The following FHIT variants were observed in gnomAD, a reference collection of about 807,000 sequenced individuals.
The protein encoded by FHIT is fragile histidine triad diadenosine triphosphatase.
A neutral mutation model predicts 17.9 loss-of-function variants in FHIT; 19 were observed. That is an observed-to-expected ratio of 1.06 (90% CI 0.74 to 1.56). The LOEUF (loss-of-function observed/expected upper bound fraction) is 1.56. Among genes scored for constraint, FHIT ranks in the 40% most tolerant of loss-of-function variants. FHIT has a pLI of 0.00. For missense variants in FHIT, 248 were observed against 189.2 expected (o/e 1.31, Z -1.82); for synonymous variants, 81 against 69.7 (o/e 1.16, Z -0.81).
At chr3:60,319,270 C>T (rs1709309010) in intron 5 of FHIT, among the ~76,000 whole-genome samples, 1 of 152,002 alleles carries the variant, frequency 6.6e-6, no homozygotes, top group Non-Finnish European at 1.5e-5. Context: ...ACTCATCCAC[C>T]CACCCACTCA....
chr3:60,378,173 C>G (rs940126148), intron 5 of FHIT, among the ~76,000 whole-genome samples: 2 of 151,824 alleles, frequency 1.3e-5, no homozygotes, highest in African/African-American at 4.8e-5. Flanking sequence ...ACTACAGACG[C>G]CTGCCACTAT....
chr3:60,500,892 T>G (rs576192011), intron 5 of FHIT, among the ~76,000 whole-genome samples: 2 of 152,146 alleles, frequency 1.3e-5, no homozygotes, highest in Non-Finnish European at 2.9e-5. Context: ...AAGCCTTGAT[T>G]GGCTTCTTTT....
At chr3:59,954,793 G>A (rs1166890051) in intron 7 of FHIT, among the ~76,000 whole-genome samples, 9 of 152,166 alleles carry the variant, frequency 5.9e-5, no homozygotes, top group Non-Finnish European at 2.9e-5. Context: ...GGACCAGGGA[G>A]ATGGTTTATT....
intron 4 of FHIT, among the ~76,000 whole-genome samples, chr3:60,807,361 C>G (rs1429091413): frequency 6.6e-6 from 1 of 151,616 alleles, no homozygotes; most frequent in African/African-American, 2.4e-5. Context: ...TTGCTTGAAC[C>G]CAGGAGTTTG....
At chr3:60,624,908 T>G (rs1466543540) in intron 4 of FHIT, among the ~76,000 whole-genome samples, 1 of 151,236 alleles carries the variant, frequency 6.6e-6, no homozygotes, top group Non-Finnish European at 1.5e-5. Flanking sequence ...TTTTTTTTTG[T>G]TTGTTTGTTT....
intron 2 of FHIT, among the ~76,000 whole-genome samples, chr3:61,148,961 G>T (rs2037306237): frequency 6.6e-6 from 1 of 152,184 alleles, no homozygotes; most frequent in African/African-American, 2.4e-5. Context: ...GGATCTTCAT[G>T]CCACAATGGA....
chr3:60,807,419 G>GA (rs568345161), intron 4 of FHIT, among the ~76,000 whole-genome samples: 103 of 139,324 alleles, frequency 7.4e-4, no homozygotes, highest in East Asian at 2.3e-3. Flanking sequence ...CAAAAAAAAA[G>GA]AAAAAAAAAA....
chr3:60,555,579 G>A (rs941973751), intron 4 of FHIT, among the ~76,000 whole-genome samples: 11 of 152,150 alleles, frequency 7.2e-5, no homozygotes, highest in African/African-American at 2.4e-4. Context: ...GAATGACAAT[G>A]GCAGTTTTCT....
At chr3:59,918,780 G>A (rs1375575717) in intron 8 of FHIT, among the ~76,000 whole-genome samples, 2 of 152,110 alleles carry the variant, frequency 1.3e-5, no homozygotes, top group African/African-American at 4.8e-5. Context: ...TAGAGAATGA[G>A]CAATATGCCT....
At chr3:60,090,744 G>T (rs962770876) in intron 5 of FHIT, among the ~76,000 whole-genome samples, 1 of 152,146 alleles carries the variant, frequency 6.6e-6, no homozygotes, top group Non-Finnish European at 1.5e-5. Flanking sequence ...GAGTGTACCT[G>T]CCACCAGTCA....
chr3:59,967,199 C>T (rs1402755966), intron 7 of FHIT, among the ~76,000 whole-genome samples: 1 of 152,072 alleles, frequency 6.6e-6, no homozygotes, highest in Non-Finnish European at 1.5e-5. Flanking sequence ...ACAATGCATT[C>T]TTCTGCAATA....
chr3:60,035,816 G>A (rs555887307), intron 5 of FHIT, among the ~76,000 whole-genome samples: 111 of 152,246 alleles, frequency 7.3e-4, no homozygotes, highest in African/African-American at 2.6e-3. Context: ...AGTTAATATT[G>A]TCTTCTACTC....
At position 60,774,010 on chromosome 3, in the gene FHIT, G is replaced by A. The variant is rs561965883; in HGVS notation, c.-18+47909C>T. Among the ~76,000 whole-genome samples, 9 of 152,288 alleles carry A rather than the reference G, an allele frequency of 5.9e-5. No individual in the cohort carries two copies. In the South Asian group the frequency reaches 1.7e-3, roughly 28 times the overall value. On this transcript the variant is annotated intron_variant, in intron 4 of 9. Coordinates refer to ENST00000492590, the MANE Select transcript of FHIT (RefSeq NM_002012.4). ...GATTTAAAATTTTCAGTCTGGATTT[G>A]GGGTTACACCTTTGATGGATGAGCT...
chr3:61,057,330 G>A (rs1262173232), intron 2 of FHIT, among the ~76,000 whole-genome samples: 1 of 152,170 alleles, frequency 6.6e-6, no homozygotes, highest in Non-Finnish European at 1.5e-5. Flanking sequence ...AAAACATTAA[G>A]TTAACATTGG....
chr3:60,151,069 G>T (rs143854669), intron 5 of FHIT, among the ~76,000 whole-genome samples: 1 of 152,244 alleles, frequency 6.6e-6, no homozygotes, highest in East Asian at 1.9e-4. Context: ...ATTTGCACTG[G>T]CATCTTTTCA....
At chr3:60,838,094 T>G (rs1553744194) in intron 3 of FHIT, among the ~76,000 whole-genome samples, 1 of 152,228 alleles carries the variant, frequency 6.6e-6, no homozygotes, top group African/African-American at 2.4e-5. Flanking sequence ...TCTTTCCAAT[T>G]AGATAACTCT....
chr3:59,970,529 T>C (rs937948046), intron 7 of FHIT, among the ~76,000 whole-genome samples: 1 of 152,132 alleles, frequency 6.6e-6, no homozygotes, highest in African/African-American at 2.4e-5. Flanking sequence ...TGTGTTCTTA[T>C]TTTTATAAGG....
chr3:60,937,208 A>C (rs1281969005), intron 3 of FHIT, among the ~76,000 whole-genome samples: 4 of 152,246 alleles, frequency 2.6e-5, no homozygotes, highest in Admixed American at 6.5e-5. Context: ...TAGATTCCAC[A>C]GACCCACATT....
chr3:59,781,909 C>G (rs1702602502), intron 8 of FHIT, among the ~76,000 whole-genome samples: 1 of 152,166 alleles, frequency 6.6e-6, no homozygotes, highest in Non-Finnish European at 1.5e-5. Flanking sequence ...GACTCTGGTG[C>G]TCAAGCCAAG....
Sources: gnomAD v4.1 joint callset for allele counts (sites outside exome capture counted in the v4.1 genomes callset) on GRCh38, gnomAD v4.1.1 for gene constraint, MANE v1.5 for transcripts, NCBI Gene and HGNC (gene_info 2026-07-23, HGNC 2026-07-21) for gene names.